The following BRD3 variants were observed in gnomAD, a reference collection of about 807,000 sequenced individuals.
BRD3 encodes the protein bromodomain containing 3.
Under a neutral mutation model 66.8 loss-of-function variants are expected in BRD3, and 17 were observed. The ratio of observed to expected loss-of-function variants is 0.25; its 90% CI spans 0.17 to 0.38. The LOEUF (loss-of-function observed/expected upper bound fraction) is 0.38. Among genes scored for constraint, BRD3 ranks in the 10% least tolerant of loss-of-function variants. BRD3 has a pLI of 1.00. For synonymous variants in BRD3, 421 were observed against 393.2 expected (o/e 1.07, Z -0.84); for missense variants, 713 against 956.1 (o/e 0.75, Z 3.35).
chr9:134,051,467 A>T (rs1037762446), intron 4 of BRD3, 95 bp downstream of exon 4: 1 of 1,321,604 alleles, frequency 7.6e-7, no homozygotes. Flanking sequence ...ACAGATGGGA[A>T]ACAGCTCAGA....
At position 134,040,015 on chromosome 9, in the gene BRD3, G is replaced by T; in HGVS notation, c.1643+19C>A. On this transcript the variant is annotated intron_variant, in intron 9 of 11. Transcript: ENST00000303407. The stretch of plus-strand genomic sequence containing the variant: ...GCTGAGCGCTGGGCTCTTGGAGCCC[G>T]AGCAGGTCTGGAGCCCACCTGCCGG... The T allele has an allele frequency of 6.3e-7, 1 of 1,575,382 alleles. No individual in the cohort carries two copies. The highest frequency in any genetic ancestry group is 1.2e-5 in the South Asian group (1 of 86,648).
chr9:134,032,586 G>A lies in BRD3; in HGVS notation c.*1004C>T, dbSNP rs1435375912. 3 of 231,114 alleles carry A rather than the reference G, an allele frequency of 1.3e-5. No individual in the cohort carries two copies. The highest frequency in any genetic ancestry group is 1.8e-4 in the South Asian group (1 of 5,510). The allele number at this position is 231,114 out of a possible 1,614,324, so 14.3% of individuals were successfully genotyped here. ...GACAGGCCGCCGCCAGACAGGACCCGCGCCCGGCACACCACTGGCAAGGCC... is the reference window on the plus strand; with the variant it reads ...GACAGGCCGCCGCCAGACAGGACCCACGCCCGGCACACCACTGGCAAGGCC... On this transcript the variant is annotated 3_prime_UTR_variant, in exon 12 of 12. Coordinates refer to ENST00000303407, the MANE Select transcript of BRD3 (RefSeq NM_007371.4).
At chr9:134,036,618 C>CA in intron 9 of BRD3, 6 of 1,533,886 alleles carry the variant, frequency 3.9e-6, no homozygotes, top group Non-Finnish European at 5.4e-6. Context: ...CAAAAGAAGG[C>CA]AAAAAAGGGG....
chr9:134,041,726 C>A (rs1033364181), intron 8 of BRD3, 34 bp downstream of exon 8: 26 of 1,599,530 alleles, frequency 1.6e-5, no homozygotes, highest in Non-Finnish European at 2.2e-5. Context: ...CCCGCCTCAG[C>A]CCCTGAACCC....
At chr9:134,062,055 C>T (rs1377434991) in intron 1 of BRD3, among the ~76,000 whole-genome samples, 3 of 152,194 alleles carry the variant, frequency 2.0e-5, no homozygotes, top group South Asian at 4.1e-4. Flanking sequence ...CAGTGACAGA[C>T]GGAGCCAACT....
chr9:134,067,171 C>T (rs1393533226), intron 1 of BRD3, among the ~76,000 whole-genome samples: 1 of 152,242 alleles, frequency 6.6e-6, no homozygotes, highest in African/African-American at 2.4e-5. Flanking sequence ...CACCCCCGTC[C>T]CTCCCGCTCC....
intron 1 of BRD3, among the ~76,000 whole-genome samples, chr9:134,061,138 G>C (rs1588302113): frequency 6.6e-6 from 1 of 152,230 alleles, no homozygotes; most frequent in East Asian, 1.9e-4. Flanking sequence ...AGAGGGGCAG[G>C]AGCAGGCATG....
chr9:134,067,022 C>T (rs908224326), intron 1 of BRD3, among the ~76,000 whole-genome samples: 4 of 152,022 alleles, frequency 2.6e-5, no homozygotes, highest in African/African-American at 9.7e-5. Flanking sequence ...AATAAGACTT[C>T]CCGCACGCCC....
intron 10 of BRD3, 46 bp downstream of exon 10, chr9:134,035,986 G>A (rs1382578102): frequency 6.4e-7 from 1 of 1,552,102 alleles, no homozygotes; most frequent in South Asian, 1.2e-5. Flanking sequence ...GCAGGCCAAG[G>A]AGGGGAGAGG....
rs10636879 is a variant in BRD3 at position 134,032,439 on chromosome 9, CAAAAAA to C, written c.*1145_*1150del. ...TACCTGTAAGCCTCCAAGTTTCATA[CAAAAAA>C]AAAAAAAAAAAAAAACCACAAAGAA... On this transcript the variant is annotated 3_prime_UTR_variant, in exon 12 of 12. Transcript: ENST00000303407. The C allele has an allele frequency of 5.1e-5, 6 of 116,872 alleles. No homozygotes were observed. The highest frequency in any genetic ancestry group is 1.2e-4 in the Admixed American group (1 of 8,628). 7.2% of individuals were successfully genotyped at this position (116,872 alleles called of 1,614,324 possible).
chr9:134,044,153 A>G (rs969543512), intron 7 of BRD3, among the ~76,000 whole-genome samples: 3 of 152,238 alleles, frequency 2.0e-5, no homozygotes, highest in African/African-American at 7.2e-5. Flanking sequence ...GTCTCAGTAT[A>G]AAACCAGGGT....
upstream of BRD3, chr9:134,068,240 G>C (rs1588310008): frequency 6.8e-6 from 1 of 146,566 alleles, no homozygotes; most frequent in Non-Finnish European, 1.5e-5. Context: ...GGGCGCGCGG[G>C]GGCGGGGCTC....
In BRD3 at chr9:134,044,197, C is replaced by T. The variant is rs536889842; in HGVS notation, c.1215+1096G>A. Among the ~76,000 whole-genome samples the T allele has an allele frequency of 9.2e-5, 14 of 152,296 alleles. No homozygotes were observed. In the East Asian group the frequency reaches 2.7e-3, roughly 29 times the overall value. On this transcript the variant is annotated intron_variant, in intron 7 of 11. Coordinates refer to ENST00000303407, the MANE Select transcript of BRD3 (RefSeq NM_007371.4). Reference sequence around the variant, plus strand: ...CTTCCTCTGGATGTAGTGGGACCTCCAGGACCACCCTGCCATCATCACCCA... The same window carrying T: ...CTTCCTCTGGATGTAGTGGGACCTCTAGGACCACCCTGCCATCATCACCCA...
At chr9:134,038,161 CT>C (rs886682324) in intron 9 of BRD3, among the ~76,000 whole-genome samples, 7 of 151,792 alleles carry the variant, frequency 4.6e-5, no homozygotes, top group Admixed American at 2.0e-4. Flanking sequence ...TCTTTTTTTT[CT>C]TTTTTTCTCT....
In BRD3 at chr9:134,042,629, C is replaced by G. The variant is rs1830074033; in HGVS notation, c.1216-678G>C. Among the ~76,000 whole-genome samples the G allele has an allele frequency of 2.7e-5, 4 of 148,496 alleles. No homozygotes were observed. The South Asian group carries it at 8.6e-4, about 32-fold the overall frequency. On this transcript the variant is annotated intron_variant, in intron 7 of 11. Transcript: ENST00000303407. Reference sequence around the variant, plus strand: ...TCCAGCCTGGGTGACAGAGTGAGACCCTGCCTCAAATATATATACACACAC... The same window carrying G: ...TCCAGCCTGGGTGACAGAGTGAGACGCTGCCTCAAATATATATACACACAC...
intron 5 of BRD3, among the ~76,000 whole-genome samples, chr9:134,049,773 CGAA>C (rs916993233): frequency 3.9e-5 from 6 of 152,206 alleles, no homozygotes; most frequent in Admixed American, 1.3e-4. Context: ...AGGATCAAAT[CGAA>C]GAAGATAATA....
chr9:134,053,062 C>G (rs1456676232), intron 2 of BRD3, among the ~76,000 whole-genome samples: 1 of 152,226 alleles, frequency 6.6e-6, no homozygotes, highest in Non-Finnish European at 1.5e-5. Context: ...TTTCCTGCAC[C>G]TGGGGCAGCC....
At chr9:134,050,287 G>C in intron 5 of BRD3, 87 bp downstream of exon 5, 1 of 1,352,014 alleles carries the variant, frequency 7.4e-7, no homozygotes, top group Non-Finnish European at 1.0e-6. Flanking sequence ...GGGAAAGGTG[G>C]GGGCCCCCCG....
At chr9:134,034,567 G>A in intron 11 of BRD3, 134 bp downstream of exon 11, 2 of 1,280,946 alleles carry the variant, frequency 1.6e-6, no homozygotes, top group Non-Finnish European at 2.1e-6. Context: ...AGGAGCTCAA[G>A]AGCTCGTCTA....
Sources: allele counts gnomAD v4.1 joint callset (sites outside exome capture counted in the v4.1 genomes callset), GRCh38; gene constraint gnomAD v4.1.1; transcripts MANE v1.5; gene names NCBI Gene and HGNC (gene_info 2026-07-23, HGNC 2026-07-21).